KCNG2: variants seen among roughly 807,000 people sequenced by gnomAD.
The protein encoded by KCNG2 is voltage-gated potassium channel regulatory subunit KCNG2.
A neutral mutation model predicts 12.3 loss-of-function variants in KCNG2; 7 were observed. That is an observed-to-expected ratio of 0.57 (90% CI 0.32 to 1.07). The LOEUF (loss-of-function observed/expected upper bound fraction) is 1.07. Among genes scored for constraint, KCNG2 ranks in the 50% least tolerant of loss-of-function variants. The pLI is 0.04. For synonymous variants in KCNG2, 414 were observed against 351.4 expected, an observed-to-expected ratio of 1.18 and a Z score of -1.99; for missense variants, 703 against 726.0, an observed-to-expected ratio of 0.97 and a Z score of 0.36.
intron 3 of KCNG2, among the ~76,000 whole-genome samples, chr18:79,874,555 G>A (rs1979990554): frequency 6.6e-6 from 1 of 152,252 alleles, no homozygotes; most frequent in Non-Finnish European, 1.5e-5. Context: ...AGAACAAAGA[G>A]AAAAGTGCAA....
chr18:79,818,871 C>T lies in KCNG2; in HGVS notation c.-115+20857C>T, dbSNP rs543836574. Among the ~76,000 whole-genome samples the T allele has an allele frequency of 2.3e-4, 35 of 152,288 alleles. No homozygotes were observed. In the East Asian group the frequency reaches 6.8e-3, roughly 29 times the overall value. ...GGCAGCTCCAGCCACCAGAAGCACC[C>T]GGCAGCCATGAAGAGCCGAAGGTCC... On this transcript the variant is annotated intron_variant, in intron 1 of 3. Transcript: ENST00000316249.
chr18:79,817,539 G>A (rs1400890695), intron 1 of KCNG2, among the ~76,000 whole-genome samples: 1 of 152,186 alleles, frequency 6.6e-6, no homozygotes, highest in Non-Finnish European at 1.5e-5. Context: ...TCACATACAT[G>A]TGGTTGTCAT....
At chr18:79,823,500 G>C (rs1186374960) in intron 1 of KCNG2, among the ~76,000 whole-genome samples, 1 of 152,186 alleles carries the variant, frequency 6.6e-6, no homozygotes, top group Non-Finnish European at 1.5e-5. Context: ...CCAGTCTCAT[G>C]GGTGAGAAAT....
At chr18:79,809,426 ACGGTCCCAGAGTCCTCGCCC>A (rs2087474826) in intron 1 of KCNG2, among the ~76,000 whole-genome samples, 1 of 146,460 alleles carries the variant, frequency 6.8e-6, no homozygotes, top group African/African-American at 2.5e-5. Flanking sequence ...ACTCCACGTT[ACGGTCCCAGAGTCCTCGCCC>A]TGAGGAGCTG....
intron 1 of KCNG2, among the ~76,000 whole-genome samples, chr18:79,813,059 G>A (rs1232366384): frequency 3.3e-5 from 5 of 152,192 alleles, no homozygotes; most frequent in African/African-American, 1.2e-4. Context: ...CAAGGCTGAG[G>A]CAGGAGAATC....
chr18:79,814,728 C>T (rs2087516231), intron 1 of KCNG2, among the ~76,000 whole-genome samples: 1 of 152,188 alleles, frequency 6.6e-6, no homozygotes, highest in African/African-American at 2.4e-5. Context: ...TTGTTTCTTG[C>T]AACTGCATGT....
intron 3 of KCNG2, among the ~76,000 whole-genome samples, chr18:79,881,814 C>T (rs1447562123): frequency 2.6e-5 from 4 of 152,222 alleles, no homozygotes; most frequent in Admixed American, 2.6e-4. Flanking sequence ...CTGACACTGC[C>T]TGCTTTCACG....
At chr18:79,864,510 C>T (rs1427788318) in intron 3 of KCNG2, among the ~76,000 whole-genome samples, 1 of 152,238 alleles carries the variant, frequency 6.6e-6, no homozygotes, top group Non-Finnish European at 1.5e-5. Context: ...CCTCCACCCC[C>T]AGCGGGAGAC....
intron 1 of KCNG2, among the ~76,000 whole-genome samples, chr18:79,799,346 T>A (rs1291061479): frequency 2.6e-5 from 4 of 152,012 alleles, no homozygotes; most frequent in Non-Finnish European, 4.4e-5. Context: ...GGGACCCTCC[T>A]CCCCCACCCC....
At position 79,884,444 on chromosome 18, in the gene KCNG2, G is replaced by A. The variant is rs377279261; in HGVS notation, c.625-14596G>A. The stretch of plus-strand genomic sequence containing the variant: ...ACCCCGGCCTGGCAGGGACTGGCTG[G>A]TTCCCTTCCTTGGTTCCCCCAGTGG... On this transcript the variant is annotated intron_variant, in intron 3 of 3. Transcript: ENST00000316249. The surrounding 1 kb of genome is among the most constrained non-coding windows in gnomAD (Gnocchi z 5.5). Among the ~76,000 whole-genome samples the A allele has an allele frequency of 6.6e-6, 1 of 152,200 alleles. No homozygotes were observed. The highest frequency in any genetic ancestry group is 1.5e-5 in the Non-Finnish European group (1 of 68,014).
At chr18:79,838,277 A>T (rs1389914391) in intron 1 of KCNG2, among the ~76,000 whole-genome samples, 3 of 152,230 alleles carry the variant, frequency 2.0e-5, no homozygotes, top group Non-Finnish European at 4.4e-5. Flanking sequence ...CAAATTTAAA[A>T]GAACTGAAAT....
At chr18:79,896,466 T>C (rs945358127) in intron 3 of KCNG2, among the ~76,000 whole-genome samples, 1 of 152,222 alleles carries the variant, frequency 6.6e-6, no homozygotes, top group African/African-American at 2.4e-5. Flanking sequence ...ATTGTTGCTT[T>C]TGCTTCACTG....
At chr18:79,838,467 G>GT (rs1415462708) in intron 1 of KCNG2, among the ~76,000 whole-genome samples, 1 of 150,528 alleles carries the variant, frequency 6.6e-6, no homozygotes, top group Non-Finnish European at 1.5e-5. Context: ...GCTGACTGCA[G>GT]TGATGCAATC....
At chr18:79,826,904 T>C (rs1978286565) in intron 1 of KCNG2, among the ~76,000 whole-genome samples, 1 of 152,212 alleles carries the variant, frequency 6.6e-6, no homozygotes, top group African/African-American at 2.4e-5. Flanking sequence ...TTTGATAAAA[T>C]TGATTGAAAA....
rs766517685 is a variant in KCNG2, at chr18:79,899,532, G to A, written c.1117G>A (p.Gly373Ser). 27 of 1,606,294 alleles carry A rather than the reference G, an allele frequency of 1.7e-5. No homozygotes were observed. Among genetic ancestry groups the A allele is most frequent in the Admixed American group, 1.7e-5 (1 of 59,354 alleles). The change falls in exon 4 of 4, where the codon GGC (glycine) becomes AGC (serine). Residue 373 changes from glycine (G) to serine (S), a missense_variant. Transcript: ENST00000316249. ...AVISMTTVGY[G>S]DMVPRSLPGQ... ...CATCTCCATGACCACCGTGGGCTACGGCGACATGGTCCCGCGCAGCCTGCC... is the reference window on the plus strand; with the variant it reads ...CATCTCCATGACCACCGTGGGCTACAGCGACATGGTCCCGCGCAGCCTGCC...
chr18:79,899,770 TG>T lies in KCNG2; in HGVS notation c.1357del (p.Ala453ProfsTer71). 6.6e-7 allele frequency: 1 copy of T among 1,507,272 alleles called. No homozygotes were observed. Among genetic ancestry groups the T allele is most frequent in the Non-Finnish European group, 8.8e-7 (1 of 1,136,620 alleles). The allele number at this position is 1,507,272 out of a possible 1,614,324, so 93.4% of individuals were successfully genotyped here. ...DSSQGPDSAGLADDSADALWV... is the reference protein window; with the variant it reads ...DSSQGPDSAGXADDSADALWV... ...TCGCAGGGCCCCGACAGCGCGGGCC[TG>T]GCCGACGACTCCGCGGATGCGCTGT... On this transcript the variant is annotated frameshift_variant, in exon 4 of 4. Transcript: ENST00000316249. LOFTEE classifies it low-confidence loss of function (END_TRUNC).
At chr18:79,842,353 T>C (rs1254799835) in intron 1 of KCNG2, among the ~76,000 whole-genome samples, 2 of 152,198 alleles carry the variant, frequency 1.3e-5, no homozygotes, top group East Asian at 3.8e-4. Context: ...GTGGGCTGAC[T>C]GATAAAGGGC....
Position 79,876,238 on chromosome 18 carries a change from G to A in KCNG2, c.624+11947G>A, listed in dbSNP as rs766987987. On this transcript the variant is annotated intron_variant, in intron 3 of 3. Coordinates refer to ENST00000316249, the MANE Select transcript of KCNG2 (RefSeq NM_012283.2). ...ACAGGTCCAGCCCTGCCGGGCAGGC[G>A]TGATCAGGCTGACACTGCGGAAAAG... The A allele has an allele frequency of 6.2e-4, 94 of 152,434 alleles. 1 individual carries two copies. The highest frequency in any genetic ancestry group is 1.1e-3 in the Non-Finnish European group (75 of 68,190). 9.4% of individuals were successfully genotyped at this position (152,434 alleles called of 1,614,324 possible). A position where few individuals can be genotyped will look rare whatever the true frequency, so the allele number is the denominator to read the frequency against.
At chr18:79,874,136 C>T (rs185695930) in intron 3 of KCNG2, among the ~76,000 whole-genome samples, 6 of 152,350 alleles carry the variant, frequency 3.9e-5, no homozygotes, top group East Asian at 1.9e-4. Context: ...CAGCGCCTCC[C>T]GCCTTTCCCC....
Sources: allele counts gnomAD v4.1 joint callset (sites outside exome capture counted in the v4.1 genomes callset), GRCh38; gene constraint gnomAD v4.1.1; non-coding constraint Gnocchi (gnomAD v3.1); transcripts MANE v1.5; gene names NCBI Gene and HGNC (gene_info 2026-07-23, HGNC 2026-07-21).